The following HMCN1 variants were observed in gnomAD, a reference collection of about 807,000 sequenced individuals.
HMCN1 encodes the protein hemicentin 1.
Under a neutral mutation model 625.9 loss-of-function variants are expected in HMCN1, and 321 were observed. The ratio of observed to expected loss-of-function variants is 0.51; its 90% CI spans 0.47 to 0.56. The LOEUF (loss-of-function observed/expected upper bound fraction) is 0.56. Among genes scored for constraint, HMCN1 ranks in the 20% least tolerant of loss-of-function variants. The pLI, the probability that HMCN1 is intolerant of heterozygous loss-of-function variation, is 0.00. For missense variants in HMCN1, 6,588 were observed against 6,887.3 expected, an observed-to-expected ratio of 0.96 and a Z score of 1.54; for synonymous variants, 2,425 against 2,417.6, an observed-to-expected ratio of 1.00 and a Z score of -0.09.
At chr1:185,935,870 C>A (rs142852318) in intron 11 of HMCN1, among the ~76,000 whole-genome samples, 1 of 152,194 alleles carries the variant, frequency 6.6e-6, no homozygotes, top group Non-Finnish European at 1.5e-5. Context: ...ATGAAGTAAA[C>A]TGCCATACCT....
At chr1:185,917,464 A>G (rs983932411) in intron 6 of HMCN1, among the ~76,000 whole-genome samples, 3 of 152,182 alleles carry the variant, frequency 2.0e-5, no homozygotes, top group African/African-American at 7.2e-5. Flanking sequence ...GTAGTGCCAT[A>G]AAATTATCTT....
intron 1 of HMCN1, among the ~76,000 whole-genome samples, chr1:185,746,428 A>G (rs960117156): frequency 2.6e-5 from 4 of 152,124 alleles, no homozygotes; most frequent in Non-Finnish European, 5.9e-5. Flanking sequence ...TGCAAAATCA[A>G]GATGTTGGTA....
At chr1:185,779,270 C>T (rs1322923514) in intron 1 of HMCN1, among the ~76,000 whole-genome samples, 2 of 152,120 alleles carry the variant, frequency 1.3e-5, no homozygotes, top group East Asian at 1.9e-4. Flanking sequence ...GAGTAGATTG[C>T]AAAAATTTTC....
intron 11 of HMCN1, among the ~76,000 whole-genome samples, chr1:185,947,806 G>A (rs374737955): frequency 5.1e-4 from 78 of 152,268 alleles, no homozygotes; most frequent in African/African-American, 1.8e-3. Context: ...TGCCATTTAC[G>A]CTAGTTGAAA....
chr1:185,846,536 A>G (rs1201095465), intron 2 of HMCN1, among the ~76,000 whole-genome samples: 1 of 152,240 alleles, frequency 6.6e-6, no homozygotes, highest in Non-Finnish European at 1.5e-5. Flanking sequence ...GACTGTACAT[A>G]TAACTTGGTT....
intron 3 of HMCN1, among the ~76,000 whole-genome samples, chr1:185,864,982 A>G (rs112130385): frequency 7.1e-4 from 108 of 152,368 alleles, no homozygotes; most frequent in African/African-American, 2.5e-3. Context: ...AGAGTTACTC[A>G]TTGTATCAGC....
At chr1:186,093,730 C>CA (rs1160779509) in intron 66 of HMCN1, 61 bp downstream of exon 66, 1 of 1,601,520 alleles carries the variant, frequency 6.2e-7, no homozygotes, top group Non-Finnish European at 8.6e-7. Context: ...GTAGACTTTT[C>CA]CTTCATTTAA....
At chr1:185,883,150 C>T (rs1206991022) in intron 4 of HMCN1, among the ~76,000 whole-genome samples, 3 of 152,020 alleles carry the variant, frequency 2.0e-5, no homozygotes, top group African/African-American at 7.2e-5. Flanking sequence ...GTGTGTCTTT[C>T]ACTTCATTAT....
At chr1:185,789,004 T>G (rs1657813209) in intron 1 of HMCN1, among the ~76,000 whole-genome samples, 1 of 152,140 alleles carries the variant, frequency 6.6e-6, no homozygotes, top group African/African-American at 2.4e-5. Flanking sequence ...GATAAAGAAA[T>G]AAAAACATTT....
In HMCN1 at chr1:186,137,506, G is replaced by A; in HGVS notation, c.13591G>A (p.Gly4531Arg). Reference sequence around the variant, plus strand: ...CAATGTTTTATTTGCAGTTCATGGTGGATTTTCCCAGTGGTCTGCATGGAG... The same window carrying A: ...CAATGTTTTATTTGCAGTTCATGGTAGATTTTCCCAGTGGTCTGCATGGAG... The part of the protein sequence containing the change: ...RVPVIVQVHG[G>R]FSQWSAWRAC... The change falls in exon 88 of 107, where the codon GGA (glycine) becomes AGA (arginine). Residue 4531 changes from glycine to arginine, a missense_variant. Gly to Arg is a moderately radical substitution (Grantham distance 125). Transcript: ENST00000271588. The A allele has an allele frequency of 1.2e-6, 2 of 1,613,458 alleles. No homozygotes were observed. The highest frequency in any genetic ancestry group is 1.7e-6 in the Non-Finnish European group (2 of 1,179,788).
At chr1:186,093,080 T>G (rs900847975) in intron 64 of HMCN1, 54 bp from the exon 65 acceptor site, 24 of 1,609,764 alleles carry the variant, frequency 1.5e-5, no homozygotes, top group Non-Finnish European at 1.9e-5. Context: ...TTCATGTACT[T>G]AGTGAAATAG....
chr1:186,031,323 C>T (rs1267384410), intron 36 of HMCN1, among the ~76,000 whole-genome samples: 3 of 151,996 alleles, frequency 2.0e-5, no homozygotes, highest in South Asian at 4.1e-4. Flanking sequence ...TCTTTCAGCA[C>T]TTTGAGTATG....
Position 186,182,144 on chromosome 1 carries a change from ACTCT to A in HMCN1, c.16295-21_16295-18del. ...TCTGCTTTTTTCTTGTGTAGTGATA[ACTCT>A]CTGTCTTCTTCCTGAACAGATATTG... On this transcript the variant is annotated intron_variant, in intron 104 of 106. Coordinates refer to ENST00000271588, the MANE Select transcript of HMCN1 (RefSeq NM_031935.3). The A allele has an allele frequency of 1.2e-6, 2 of 1,612,352 alleles. No homozygotes were observed. Among genetic ancestry groups the A allele is most frequent in the South Asian group, 1.1e-5 (1 of 91,024 alleles).
At chr1:186,110,985 T>TTTTTTTTTTTTTTTTTTTC (rs1660853104) in intron 71 of HMCN1, among the ~76,000 whole-genome samples, 1 of 98,172 alleles carries the variant, frequency 1.0e-5, no homozygotes, top group Non-Finnish European at 2.0e-5. Context: ...TTCTTTTTTT[T>TTTTTTTTTTTTTTTTTTTC]TTTTTTTTTT....
At chr1:186,123,659 T>C (rs1016631109) in intron 81 of HMCN1, among the ~76,000 whole-genome samples, 6 of 152,174 alleles carry the variant, frequency 3.9e-5, no homozygotes, top group African/African-American at 1.4e-4. Flanking sequence ...AGTGGCAAAA[T>C]ATTACATGTA....
rs1006830460 is a variant in HMCN1 at position 185,841,449 on chromosome 1, C to T, written c.269-4577C>T. The stretch of plus-strand genomic sequence containing the variant: ...ATTGTTTCCGTTGATTAATCAGTGT[C>T]GTCACTGATCTTTAGCGTGGTCTTT... On this transcript the variant is annotated intron_variant, in intron 1 of 106. Coordinates refer to ENST00000271588, the MANE Select transcript of HMCN1 (RefSeq NM_031935.3). Among the ~76,000 whole-genome samples the T allele has an allele frequency of 2.6e-5, 4 of 152,124 alleles. No homozygotes were observed. In the South Asian group the frequency reaches 6.2e-4, roughly 24 times the overall value.
intron 47 of HMCN1, 24 bp downstream of exon 47, chr1:186,061,988 T>A: frequency 7.2e-7 from 1 of 1,398,050 alleles, no homozygotes; most frequent in Non-Finnish European, 1.0e-6. Flanking sequence ...TTGCAATATC[T>A]AGAAGAAACT....
chr1:186,049,202 G>A (rs939490731), intron 42 of HMCN1, among the ~76,000 whole-genome samples: 3 of 152,076 alleles, frequency 2.0e-5, no homozygotes, highest in African/African-American at 7.2e-5. Context: ...TGAACTGTGT[G>A]TGTGTATGTG....
chr1:186,076,425 T>C lies in HMCN1; in HGVS notation c.8291-3T>C. 2 of 1,613,166 alleles carry C rather than the reference T, an allele frequency of 1.2e-6. No individual in the cohort carries two copies. Among genetic ancestry groups the C allele is most frequent in the Non-Finnish European group, 1.7e-6 (2 of 1,179,454 alleles). ...ACCAACATTTAATGCCTTTCCTCCA[T>C]AGTTCCTCCAAGTTTTCAGAAACTC... On this transcript the variant is annotated splice_polypyrimidine_tract_variant and splice_region_variant and intron_variant, in intron 53 of 106. Transcript: ENST00000271588.
Sources: gnomAD v4.1 joint callset for allele counts (sites outside exome capture counted in the v4.1 genomes callset) on GRCh38, gnomAD v4.1.1 for gene constraint, MANE v1.5 for transcripts, NCBI Gene and HGNC (gene_info 2026-07-23, HGNC 2026-07-21) for gene names.